DNASE1L1: variants seen among roughly 807,000 people sequenced by gnomAD.
The protein encoded by DNASE1L1 is deoxyribonuclease-1-like 1.
In DNASE1L1, 8 loss-of-function variants were observed where a neutral mutation model predicts 18.6. The ratio of observed to expected loss-of-function variants is 0.43; its 90% CI spans 0.25 to 0.78. DNASE1L1 has a LOEUF of 0.78. DNASE1L1 is among the 30% of genes least tolerant of loss of function. The probability of loss-of-function intolerance (pLI) is 0.23; values close to 1 mark genes in which losing one functional copy is unlikely to be tolerated. For synonymous variants in DNASE1L1, 114 were observed against 114.2 expected, an observed-to-expected ratio of 1.00 and a Z score of 0.01; for missense variants, 214 against 258.2, an observed-to-expected ratio of 0.83 and a Z score of 1.17.
chrX:154,406,987 G>T (rs1443820876), intron 1 of DNASE1L1, among the ~76,000 whole-genome samples: 1 of 111,125 alleles, frequency 9.0e-6, no homozygotes, highest in African/African-American at 3.3e-5. Flanking sequence ...GTGTCATATT[G>T]GTCTCCATGG....
intron 6 of DNASE1L1, 30 bp from the exon 7 acceptor site, chrX:154,403,220 G>C: frequency 8.3e-7 from 1 of 1,209,575 alleles, no homozygotes; most frequent in Non-Finnish European, 1.1e-6. Context: ...CAGGCTGGCC[G>C]CTGGGCCACC....
rs782115573 is a variant in DNASE1L1, at chrX:154,407,218, A to ATTTTT, written c.-87-1568_-87-1564dup. 2.3e-4 allele frequency among the ~76,000 whole-genome samples: 6 copies of ATTTTT among 25,750 alleles called. 2 individuals are homozygous for ATTTTT. The highest frequency in any genetic ancestry group is 4.6e-4 in the Non-Finnish European group (6 of 13,031). 22.4% of individuals were successfully genotyped at this position (25,750 alleles called of 115,157 possible). A position where few individuals can be genotyped will look rare whatever the true frequency, so the allele number is the denominator to read the frequency against. ...TACCTCAGCCTCCCAAAGTGCTGGG[A>ATTTTT]TTTTTTTTTTTTTTTTTTTTTTTTT... On this transcript the variant is annotated intron_variant, in intron 1 of 7. Coordinates refer to ENST00000369807, the MANE Select transcript of DNASE1L1 (RefSeq NM_001303620.2).
In DNASE1L1 at chrX:154,403,583, G is replaced by A. The variant is rs373072839; in HGVS notation, c.351C>T (p.Asn117=). 254 of 1,210,390 alleles carry A rather than the reference G, an allele frequency of 2.1e-4. No individual in the cohort carries two copies. Among genetic ancestry groups the A allele is most frequent in the South Asian group, 1.4e-3 (80 of 56,879 alleles). The change falls in exon 5 of 8, where the codon AAC becomes AAT. Residue 117 remains asparagine (N), a synonymous_variant. Coordinates refer to ENST00000369807, the MANE Select transcript of DNASE1L1 (RefSeq NM_001303620.2). Reference sequence around the variant, plus strand: ...CCCGGGCAAAGACGTCATCCTCATCGTTGTACACGTAGGAACTCAGGACCT... The same window carrying A: ...CCCGGGCAAAGACGTCATCCTCATCATTGTACACGTAGGAACTCAGGACCT... ...KTQVLSSYVY[N]DEDDVFAREP...
Position 154,405,658 on chromosome X carries a change from G to T in DNASE1L1, c.-87-3C>A. 3.2e-6 allele frequency: 3 copies of T among 937,700 alleles called. No individual in the cohort carries two copies. The highest frequency in any genetic ancestry group is 4.2e-6 in the Non-Finnish European group (3 of 718,690). 77.3% of individuals were successfully genotyped at this position (937,700 alleles called of 1,213,427 possible). ...GCTCAGTTCTGGCTCTGGAAGCGCT[G>T]AAATATGGAACAGAGAAAGTGGCAC... On this transcript the variant is annotated splice_region_variant and splice_polypyrimidine_tract_variant and intron_variant, in intron 1 of 7. Coordinates refer to ENST00000369807, the MANE Select transcript of DNASE1L1 (RefSeq NM_001303620.2).
Position 154,402,393 on chromosome X carries a change from T to C in DNASE1L1, c.*314A>G. The C allele has an allele frequency of 8.0e-6, 2 of 249,466 alleles. No individual in the cohort carries two copies. Among genetic ancestry groups the C allele is most frequent in the Non-Finnish European group, 1.4e-5 (2 of 142,426 alleles). The allele number at this position is 249,466 out of a possible 1,213,427, so 20.6% of individuals were successfully genotyped here. A position where few individuals can be genotyped will look rare whatever the true frequency, so the allele number is the denominator to read the frequency against. ...GGTTTTTGTTCTCAGTAACTTTCCT[T>C]CTTGTCATACAACATCTTCATTCCT... On this transcript the variant is annotated 3_prime_UTR_variant, in exon 8 of 8. Transcript: ENST00000369807.
At chrX:154,403,758 C>A in intron 4 of DNASE1L1, 136 bp from the exon 5 acceptor site, 1 of 493,049 alleles carries the variant, frequency 2.0e-6, no homozygotes, top group Non-Finnish European at 3.5e-6. Flanking sequence ...GTCTCTAGAA[C>A]TTTCAAAAAT....
At chrX:154,403,742 C>G (rs934336505) in intron 4 of DNASE1L1, 120 bp from the exon 5 acceptor site, 30 of 533,254 alleles carry the variant, frequency 5.6e-5, no homozygotes, top group Non-Finnish European at 9.2e-5. Flanking sequence ...ACAGCCCTCC[C>G]AACCTGTCTC....
chrX:154,412,006 G>A, upstream of DNASE1L1: 1 of 1,203,527 alleles, frequency 8.3e-7, no homozygotes, highest in Non-Finnish European at 1.1e-6. Context: ...CCCGGCCGGA[G>A]GTGGGACTTA....
chrX:154,411,900 G>A, upstream of DNASE1L1: 2 of 1,207,849 alleles, frequency 1.7e-6, no homozygotes, highest in Non-Finnish European at 2.2e-6. Context: ...CCTGGACCCT[G>A]GCCAGCAGCG....
chrX:154,404,819 C>G lies in DNASE1L1; in HGVS notation c.311+9G>C, dbSNP rs782702616. ...CCCCACCCTGCTGCGCTGCCAGCTCCGTGCTCACCGATAGAAGTACACATA... is the reference window on the plus strand; with the variant it reads ...CCCCACCCTGCTGCGCTGCCAGCTCGGTGCTCACCGATAGAAGTACACATA... On this transcript the variant is annotated intron_variant, in intron 4 of 7. Coordinates refer to ENST00000369807, the MANE Select transcript of DNASE1L1 (RefSeq NM_001303620.2). 8.3e-7 allele frequency: 1 copy of G among 1,208,270 alleles called. No individual in the cohort carries two copies. The highest frequency in any genetic ancestry group is 1.1e-6 in the Non-Finnish European group (1 of 893,667).
In DNASE1L1 at chrX:154,407,587, CTTTTTTTTTTTTTTT is replaced by C. The variant is rs782217648; in HGVS notation, c.-88+1510_-88+1524del. Among the ~76,000 whole-genome samples, 576 of 74,775 alleles carry C rather than the reference CTTTTTTTTTTTTTTT, an allele frequency of 7.7e-3. 6 individuals are homozygous for C. The highest frequency in any genetic ancestry group is 0.032 in the African/African-American group (554 of 17,127). The allele number at this position is 74,775 out of a possible 115,157, so 64.9% of individuals were successfully genotyped here. The stretch of plus-strand genomic sequence containing the variant: ...ACCCACTGCGCCTGGCCTAGTCTAC[CTTTTTTTTTTTTTTT>C]TTTTTTTTTTTTGAGATGGAGTCTT... On this transcript the variant is annotated intron_variant, in intron 1 of 7. Transcript: ENST00000369807.
Position 154,402,307 on chromosome X carries a change from T to G in DNASE1L1, c.*400A>C, listed in dbSNP as rs1413263607. 6.8e-6 allele frequency: 1 copy of G among 147,451 alleles called. No homozygotes were observed. Among genetic ancestry groups the G allele is most frequent in the East Asian group, 1.9e-4 (1 of 5,186 alleles). The allele number at this position is 147,451 out of a possible 1,213,427, so 12.2% of individuals were successfully genotyped here. A position where few individuals can be genotyped will look rare whatever the true frequency, so the allele number is the denominator to read the frequency against. ...ATGGTTTCCTGGTGATTCTTACCAA[T>G]CCACAATAAACATGGCCCATTGGCA... is the stretch of plus-strand genomic sequence containing the variant. On this transcript the variant is annotated 3_prime_UTR_variant, in exon 8 of 8. Transcript: ENST00000369807.
chrX:154,409,088 C>T (rs1323905285), intron 1 of DNASE1L1, 24 bp downstream of exon 1: 3 of 337,490 alleles, frequency 8.9e-6, no homozygotes, highest in Middle Eastern at 4.4e-4. Context: ...TCCCTTCTTC[C>T]GTCTCCCCAG....
intron 1 of DNASE1L1, among the ~76,000 whole-genome samples, chrX:154,407,758 GCC>G (rs1191262369): frequency 2.1e-4 from 19 of 89,356 alleles, no homozygotes; most frequent in African/African-American, 6.8e-4. Flanking sequence ...ACCGCGCCCG[GCC>G]CCCCCCCTTT....
At chrX:154,411,210 G>C (rs1473778592), upstream of DNASE1L1, among the ~76,000 whole-genome samples, 1 of 110,686 alleles carries the variant, frequency 9.0e-6, no homozygotes, top group African/African-American at 3.3e-5. Flanking sequence ...TTGGGAGGCC[G>C]AGGCGGGTGG....
chrX:154,405,073 C>T lies in DNASE1L1; in HGVS notation c.146G>A (p.Arg49His), dbSNP rs781844808. The T allele has an allele frequency of 2.5e-6, 3 of 1,208,938 alleles. No individual in the cohort carries two copies. Among genetic ancestry groups the T allele is most frequent in the Non-Finnish European group, 3.4e-6 (3 of 894,311 alleles). ...VMDTLVRILA[R>H]CDIMVLQEVV... ...CTCCTGCAGCACCATGATGTCACAG[C>T]GAGCCAGTATCTGTGGGACATCAGG... Residue 49 changes from arginine (R) to histidine (H), a missense_variant, in exon 3 of 8, where the codon CGC becomes CAC. Arg to His is a conservative substitution (Grantham distance 29, BLOSUM62 0). Coordinates refer to ENST00000369807, the MANE Select transcript of DNASE1L1 (RefSeq NM_001303620.2).
At chrX:154,407,135 C>G (rs1019255897) in intron 1 of DNASE1L1, among the ~76,000 whole-genome samples, 1 of 107,002 alleles carries the variant, frequency 9.3e-6, no homozygotes. Flanking sequence ...TCACTGCAGC[C>G]TCCTGAATTC....
chrX:154,410,395 A>T (rs1557189762), upstream of DNASE1L1, among the ~76,000 whole-genome samples: 1 of 107,878 alleles, frequency 9.3e-6, no homozygotes, highest in African/African-American at 3.4e-5. Context: ...TCTACTAAAA[A>T]TACAAAAATT....
Position 154,402,927 on chromosome X carries a change from G to A in DNASE1L1, c.774+15C>T. On this transcript the variant is annotated intron_variant, in intron 7 of 7. Transcript: ENST00000369807. ...GCTGCTGCCCTCCCTCCTCATGCCA[G>A]CCCCATCCCTTCACCTCCTCCTCGG... 1.7e-6 allele frequency: 2 copies of A among 1,208,659 alleles called. No homozygotes were observed. The highest frequency in any genetic ancestry group is 2.2e-6 in the Non-Finnish European group (2 of 893,884).
Sources: gnomAD v4.1 joint callset for allele counts (sites outside exome capture counted in the v4.1 genomes callset) on GRCh38, gnomAD v4.1.1 for gene constraint, MANE v1.5 for transcripts, NCBI Gene and HGNC (gene_info 2026-07-23, HGNC 2026-07-21) for gene names.